CRMP1: variants seen among roughly 807,000 people sequenced by gnomAD.
CRMP1 encodes dihydropyrimidinase-related protein 1.
CRMP1 carries 19 observed loss-of-function variants against 68.3 expected under a neutral mutation model. That is an observed-to-expected ratio of 0.28 (90% CI 0.19 to 0.41). The LOEUF is 0.41. Among genes scored for constraint, CRMP1 ranks in the 10% least tolerant of loss-of-function variants. The pLI is 1.00. For missense variants in CRMP1, 791 were observed against 967.4 expected, an observed-to-expected ratio of 0.82 and a Z score of 2.42; for synonymous variants, 439 against 399.6, an observed-to-expected ratio of 1.10 and a Z score of -1.18.
In CRMP1 at chr4:5,860,952, A is replaced by G; in HGVS notation, c.655+74T>C. On this transcript the variant is annotated intron_variant, in intron 3 of 13. Coordinates refer to ENST00000324989, the MANE Select transcript of CRMP1 (RefSeq NM_001014809.3). This position sits in a 1 kb window ranked among gnomAD's most constrained non-coding sequence, Gnocchi z 4.2. The stretch of plus-strand genomic sequence containing the variant: ...TGGGCAGAGAGCCTCGAACACACTG[A>G]GCACTTGTGATGCTGGTGATGGGGA... 6.7e-7 allele frequency: 1 copy of G among 1,482,266 alleles called. No homozygotes were observed. The highest frequency in any genetic ancestry group is 9.2e-7 in the Non-Finnish European group (1 of 1,083,916). The allele number at this position is 1,482,266 out of a possible 1,614,324, so 91.8% of individuals were successfully genotyped here. A position where few individuals can be genotyped will look rare whatever the true frequency, so the allele number is the denominator to read the frequency against.
intron 10 of CRMP1, among the ~76,000 whole-genome samples, 167 bp downstream of exon 10, chr4:5,836,598 G>A (rs977942706): frequency 9.2e-5 from 14 of 152,250 alleles, no homozygotes; most frequent in African/African-American, 3.4e-4. Context: ...CCGGACTTGA[G>A]CTACTATCTC....
chr4:5,873,637 C>T (rs1301291745), intron 1 of CRMP1, among the ~76,000 whole-genome samples: 2 of 152,166 alleles, frequency 1.3e-5, no homozygotes, highest in Admixed American at 1.3e-4. Context: ...AGGGGGAAAT[C>T]CGCCCCAGTG....
At chr4:5,849,199 T>C (rs548326480) in intron 6 of CRMP1, among the ~76,000 whole-genome samples, 193 bp downstream of exon 6, 48 of 152,354 alleles carry the variant, frequency 3.2e-4, no homozygotes, top group South Asian at 1.5e-3. Context: ...CCAGCTTCCA[T>C]GTGCATTGCC....
At chr4:5,839,376 C>T (rs1711531405) in intron 9 of CRMP1, 146 bp downstream of exon 9, 1 of 986,904 alleles carries the variant, frequency 1.0e-6, no homozygotes, top group Non-Finnish European at 1.5e-6. Context: ...CTGTTGTAAG[C>T]CATATGAGCG....
chr4:5,893,040 G>A lies in CRMP1; in HGVS notation c.-71C>T. 13 of 1,011,498 alleles carry A rather than the reference G, an allele frequency of 1.3e-5. No individual in the cohort carries two copies. The highest frequency in any genetic ancestry group is 1.6e-5 in the Non-Finnish European group (13 of 835,360). 62.7% of individuals were successfully genotyped at this position (1,011,498 alleles called of 1,614,324 possible). ...GCGGCCCTGGGCACCGCCGTGCGCC[G>A]CGCTCCGCGCCTCGGTGCGGGCCTG... On this transcript the variant is annotated 5_prime_UTR_variant, in exon 1 of 14. Transcript: ENST00000324989.
Position 5,849,279 on chromosome 4 carries a change from T to C in CRMP1, c.963+113A>G, listed in dbSNP as rs1010565435. The C allele has an allele frequency of 4.6e-5, 38 of 833,046 alleles. No individual in the cohort carries two copies. In the African/African-American group the frequency reaches 6.3e-4, roughly 14 times the overall value. The allele number at this position is 833,046 out of a possible 1,614,324, so 51.6% of individuals were successfully genotyped here. A position where few individuals can be genotyped will look rare whatever the true frequency, so the allele number is the denominator to read the frequency against. ...TGTGTCTGATATGACACCCAGTTCC[T>C]GGCTTGACCTTTCATTGTACAGCCT... On this transcript the variant is annotated intron_variant, in intron 6 of 13. Transcript: ENST00000324989.
Position 5,866,631 on chromosome 4 carries a change from C to G in CRMP1, c.470+37G>C. The G allele has an allele frequency of 6.6e-7, 1 of 1,526,230 alleles. No individual in the cohort carries two copies. The highest frequency in any genetic ancestry group is 1.1e-5 in the South Asian group (1 of 87,652). The allele number at this position is 1,526,230 out of a possible 1,614,324, so 94.5% of individuals were successfully genotyped here. A position where few individuals can be genotyped will look rare whatever the true frequency, so the allele number is the denominator to read the frequency against. On this transcript the variant is annotated intron_variant, in intron 2 of 13. Transcript: ENST00000324989. This position sits in a 1 kb window ranked among gnomAD's most constrained non-coding sequence, Gnocchi z 5.9. ...CATCTAAGGCCAGGCAGCCTGGCGA[C>G]ACAGGTTTCTTAAAAGGTCCGTTTT... is the stretch of plus-strand genomic sequence containing the variant.
In CRMP1 at chr4:5,841,820, A is replaced by G. The variant is rs1167958543; in HGVS notation, c.1033-392T>C. On this transcript the variant is annotated intron_variant, in intron 7 of 13. Coordinates refer to ENST00000324989, the MANE Select transcript of CRMP1 (RefSeq NM_001014809.3). The surrounding 1 kb of genome is among the most constrained non-coding windows in gnomAD (Gnocchi z 6.9). ...ACTCATGTCTGTGTCCCCTGTGTCCAGCAGACACCAGGCCCAGGGCATGGG... is the reference window on the plus strand; with the variant it reads ...ACTCATGTCTGTGTCCCCTGTGTCCGGCAGACACCAGGCCCAGGGCATGGG... Among the ~76,000 whole-genome samples, 1 of 152,136 alleles carries G rather than the reference A, an allele frequency of 6.6e-6. No individual in the cohort carries two copies. The highest frequency in any genetic ancestry group is 1.5e-5 in the Non-Finnish European group (1 of 68,018).
chr4:5,833,230 G>A (rs1482306604), intron 11 of CRMP1, among the ~76,000 whole-genome samples: 1 of 85,350 alleles, frequency 1.2e-5, no homozygotes, highest in Non-Finnish European at 2.5e-5. Context: ...GCAGTGGTGG[G>A]ATCTCGGCTC....
At chr4:5,839,982 T>G (rs532884079) in intron 8 of CRMP1, among the ~76,000 whole-genome samples, 1 of 152,342 alleles carries the variant, frequency 6.6e-6, no homozygotes, top group South Asian at 2.1e-4. Context: ...TTTTATAGAT[T>G]TGTAAGCCAA....
intron 2 of CRMP1, among the ~76,000 whole-genome samples, chr4:5,863,663 C>G (rs1229606731): frequency 6.6e-6 from 1 of 152,134 alleles, no homozygotes; most frequent in Non-Finnish European, 1.5e-5. Context: ...CAACCACCGG[C>G]ACTAGATTCA....
Position 5,849,404 on chromosome 4 carries a change from A to G in CRMP1, c.951T>C (p.Asp317=). The change falls in exon 6 of 14, where the codon GAT becomes GAC. Residue 317 remains aspartate (D), a synonymous_variant. Transcript: ENST00000324989. ...TCTTGCCACTCACCTGAGCTATCAAATCTCCATTTTCTGCATGGACCAAGA... is the reference window on the plus strand; with the variant it reads ...TCTTGCCACTCACCTGAGCTATCAAGTCTCCATTTTCTGCATGGACCAAGA... ...AVILVHAENG[D]LIAQEQKRIL... is the part of the protein sequence containing the mutation. 6.2e-7 allele frequency: 1 copy of G among 1,613,856 alleles called. No individual in the cohort carries two copies. Among genetic ancestry groups the G allele is most frequent in the Non-Finnish European group, 8.5e-7 (1 of 1,179,808 alleles).
At chr4:5,874,410 C>T (rs371658412) in intron 1 of CRMP1, among the ~76,000 whole-genome samples, 47 of 152,138 alleles carry the variant, frequency 3.1e-4, no homozygotes, top group Non-Finnish European at 6.2e-4. Context: ...TTGGGGTCCA[C>T]ACCCATGATC....
In CRMP1 at chr4:5,861,318, C is replaced by G; in HGVS notation, c.471-108G>C. On this transcript the variant is annotated intron_variant, in intron 2 of 13. Transcript: ENST00000324989. The surrounding 1 kb of genome is among the most constrained non-coding windows in gnomAD (Gnocchi z 6.0). ...ATAAACATTTCTGAGCCAGGCCCTTCACAAGGCCCTGGGGAGACAGAGATA... is the reference window on the plus strand; with the variant it reads ...ATAAACATTTCTGAGCCAGGCCCTTGACAAGGCCCTGGGGAGACAGAGATA... 1 of 1,122,602 alleles carries G rather than the reference C, an allele frequency of 8.9e-7. No homozygotes were observed. Among genetic ancestry groups the G allele is most frequent in the Non-Finnish European group, 1.3e-6 (1 of 777,104 alleles). The allele number at this position is 1,122,602 out of a possible 1,614,324, so 69.5% of individuals were successfully genotyped here.
chr4:5,863,744 C>T (rs1182736678), intron 2 of CRMP1, among the ~76,000 whole-genome samples: 1 of 152,152 alleles, frequency 6.6e-6, no homozygotes, highest in Non-Finnish European at 1.5e-5. Context: ...AGCTGAACGG[C>T]TCTTAAGAAA....
rs957173213 is a variant in CRMP1, at chr4:5,834,109, C to T, written c.1623+1806G>A. ...GTCTACTTCCTTCTGGGTCCTTGTC[C>T]GCCGACCTTTGACTGGCTGACACAG... On this transcript the variant is annotated intron_variant, in intron 11 of 13. Transcript: ENST00000324989. This position sits in a 1 kb window ranked among gnomAD's most constrained non-coding sequence, Gnocchi z 4.3. 7.2e-5 allele frequency among the ~76,000 whole-genome samples: 11 copies of T among 152,182 alleles called. No homozygotes were observed. The highest frequency in any genetic ancestry group is 1.3e-4 in the Admixed American group (2 of 15,278).
rs925747266 is a variant in CRMP1 at position 5,838,448 on chromosome 4, TG to T, written c.1310+1073del. Among the ~76,000 whole-genome samples, 1 of 149,718 alleles carries T rather than the reference TG, an allele frequency of 6.7e-6. No individual in the cohort carries two copies. Among genetic ancestry groups the T allele is most frequent in the African/African-American group, 2.5e-5 (1 of 40,588 alleles). ...TGACAGCAGACTGTGATGGGTAGGG[TG>T]GGGTGGGCCCGTGTGGAAATAGAAA... On this transcript the variant is annotated intron_variant, in intron 9 of 13. Coordinates refer to ENST00000324989, the MANE Select transcript of CRMP1 (RefSeq NM_001014809.3). This position sits in a 1 kb window ranked among gnomAD's most constrained non-coding sequence, Gnocchi z 4.9.
intron 6 of CRMP1, 114 bp downstream of exon 6, chr4:5,849,278 C>A (rs1560500522): frequency 2.4e-6 from 2 of 826,940 alleles, no homozygotes; most frequent in Non-Finnish European, 4.0e-6. Context: ...CACCCAGTTC[C>A]TGGCTTGACC....
In CRMP1 at chr4:5,860,981, G is replaced by C. The variant is rs1441223304; in HGVS notation, c.655+45C>G. ...CTTGTGATGCTGGTGATGGGGAGGAGACCTCACAGTCTATGTCCCTAAGGC... is the reference window on the plus strand; with the variant it reads ...CTTGTGATGCTGGTGATGGGGAGGACACCTCACAGTCTATGTCCCTAAGGC... On this transcript the variant is annotated intron_variant, in intron 3 of 13. Transcript: ENST00000324989. This position sits in a 1 kb window ranked among gnomAD's most constrained non-coding sequence, Gnocchi z 4.2. The C allele has an allele frequency of 1.3e-6, 2 of 1,583,086 alleles. No individual in the cohort carries two copies. Among genetic ancestry groups the C allele is most frequent in the Non-Finnish European group, 8.6e-7 (1 of 1,160,126 alleles).
Sources: allele counts gnomAD v4.1 joint callset (sites outside exome capture counted in the v4.1 genomes callset), GRCh38; gene constraint gnomAD v4.1.1; non-coding constraint Gnocchi (gnomAD v3.1); transcripts MANE v1.5; gene names NCBI Gene and HGNC (gene_info 2026-07-23, HGNC 2026-07-21).